TENT5D: variants seen among roughly 807,000 people sequenced by gnomAD.
The protein encoded by TENT5D is terminal nucleotidyltransferase 5D.
For synonymous variants in TENT5D, 103 were observed against 100.6 expected (o/e 1.02, Z -0.15); for missense variants, 191 against 287.0 (o/e 0.67, Z 2.42).
At chrX:80,393,009 A>G (rs1931166384) in intron 3 of TENT5D, among the ~76,000 whole-genome samples, 1 of 111,361 alleles carries the variant, frequency 9.0e-6, no homozygotes, top group Non-Finnish European at 1.9e-5. Flanking sequence ...TTACTGGTCC[A>G]AGAAGCTACA....
chrX:80,444,388 T>C (rs1005091230), exon 3 of TENT5D: 1 of 122,360 alleles, frequency 8.2e-6, no homozygotes, highest in African/African-American at 3.3e-5. Context: ...AAACATTTAG[T>C]TAATTTGTGG....
At chrX:80,436,806 G>A (rs1054897534) in intron 1 of TENT5D, among the ~76,000 whole-genome samples, 6 of 111,252 alleles carry the variant, frequency 5.4e-5, no homozygotes, top group African/African-American at 2.0e-4. Flanking sequence ...ATACAATAAG[G>A]ACTATTGGAA....
intron 3 of TENT5D, among the ~76,000 whole-genome samples, chrX:80,361,129 C>T (rs762185502): frequency 4.5e-5 from 5 of 112,027 alleles, no homozygotes; most frequent in African/African-American, 6.5e-5. Context: ...ACCTCATCAC[C>T]GTCCTCTCAT....
intron 3 of TENT5D, among the ~76,000 whole-genome samples, chrX:80,390,327 A>T (rs1206459414): frequency 9.0e-6 from 1 of 111,535 alleles, no homozygotes; most frequent in Non-Finnish European, 1.9e-5. Context: ...ATTGCCTAGC[A>T]ACATTATCAT....
At chrX:80,340,871 G>A (rs1424868093) in intron 2 of TENT5D, among the ~76,000 whole-genome samples, 1 of 112,201 alleles carries the variant, frequency 8.9e-6, no homozygotes, top group East Asian at 2.8e-4. Context: ...ATCTAATGCT[G>A]TCTTTACATT....
chrX:80,442,873 T>C (rs778079784), exon 3 of TENT5D: 2 of 1,211,100 alleles, frequency 1.7e-6, no homozygotes, highest in Non-Finnish European at 2.2e-6. Context: ...ACTTGACTTT[T>C]TACCAAAAGA....
At chrX:80,376,408 T>G (rs1930728351) in intron 3 of TENT5D, among the ~76,000 whole-genome samples, 2 of 111,769 alleles carry the variant, frequency 1.8e-5, no homozygotes, top group Non-Finnish European at 3.8e-5. Flanking sequence ...TTCATCTTTT[T>G]CTTTAGCATG....
intron 3 of TENT5D, among the ~76,000 whole-genome samples, chrX:80,408,726 G>A (rs1349722610): frequency 9.0e-6 from 1 of 111,140 alleles, no homozygotes; most frequent in Non-Finnish European, 1.9e-5. Flanking sequence ...GAAAAAGAGG[G>A]AATCCTCCCT....
chrX:80,404,730 G>GT (rs982841120), intron 3 of TENT5D, among the ~76,000 whole-genome samples: 7 of 112,206 alleles, frequency 6.2e-5, no homozygotes, highest in Admixed American at 1.9e-4. Flanking sequence ...TGCTGTCAGT[G>GT]TTTAAGATTT....
At chrX:80,398,096 G>A (rs769680460) in intron 3 of TENT5D, among the ~76,000 whole-genome samples, 155 of 112,012 alleles carry the variant, frequency 1.4e-3, no homozygotes, top group Non-Finnish European at 2.4e-3. Flanking sequence ...TTGTCTTTTC[G>A]ATAATAGTCG....
intron 3 of TENT5D, among the ~76,000 whole-genome samples, chrX:80,363,405 A>G (rs977704852): frequency 4.6e-4 from 51 of 111,767 alleles, no homozygotes; most frequent in Non-Finnish European, 8.5e-4. Flanking sequence ...GGATATTTTG[A>G]CCAATGTTAA....
At chrX:80,361,734 G>A (rs1253040545) in intron 3 of TENT5D, among the ~76,000 whole-genome samples, 1 of 111,883 alleles carries the variant, frequency 8.9e-6, no homozygotes, top group Non-Finnish European at 1.9e-5. Flanking sequence ...TTTTAATATT[G>A]CAGTGCCACC....
At chrX:80,337,838 C>G (rs1473000023) in intron 2 of TENT5D, among the ~76,000 whole-genome samples, 7 of 110,002 alleles carry the variant, frequency 6.4e-5, no homozygotes, top group Non-Finnish European at 7.6e-5. Flanking sequence ...AATCTTGGCT[C>G]GCTGCAACTT....
intron 3 of TENT5D, among the ~76,000 whole-genome samples, chrX:80,397,087 C>T (rs1222114999): frequency 6.9e-5 from 7 of 101,599 alleles, no homozygotes; most frequent in South Asian, 5.0e-4. Flanking sequence ...CTCCTCACTT[C>T]CCAGACGGGG....
chrX:80,436,500 T>C (rs933109925), intron 1 of TENT5D, among the ~76,000 whole-genome samples: 1 of 110,582 alleles, frequency 9.0e-6, no homozygotes, highest in Non-Finnish European at 1.9e-5. Flanking sequence ...CATCAACCCG[T>C]CATCTACATT....
intron 3 of TENT5D, among the ~76,000 whole-genome samples, chrX:80,363,916 A>G (rs1380280084): frequency 8.9e-6 from 1 of 112,666 alleles, no homozygotes; most frequent in Non-Finnish European, 1.9e-5. Context: ...TAACATATCC[A>G]TTACCTCACA....
intron 3 of TENT5D, among the ~76,000 whole-genome samples, chrX:80,343,522 C>T (rs1258185269): frequency 1.8e-5 from 2 of 108,579 alleles, no homozygotes; most frequent in East Asian, 2.9e-4. Context: ...CTCAACCTCC[C>T]GAGTAGCTGG....
chrX:80,401,691 A>G (rs1009097244), intron 3 of TENT5D, among the ~76,000 whole-genome samples: 1 of 112,063 alleles, frequency 8.9e-6, no homozygotes, highest in African/African-American at 3.2e-5. Context: ...CATTCTGTTA[A>G]TGTGATATCT....
At chrX:80,341,176 T>C (rs1350291246) in intron 2 of TENT5D, among the ~76,000 whole-genome samples, 1 of 112,457 alleles carries the variant, frequency 8.9e-6, no homozygotes, top group African/African-American at 3.2e-5. Context: ...CTGAAGTATT[T>C]ACCAGAAGTG....
Sources: allele counts gnomAD v4.1 joint callset (sites outside exome capture counted in the v4.1 genomes callset), GRCh38; gene constraint gnomAD v4.1.1; transcripts MANE v1.5; gene names NCBI Gene and HGNC (gene_info 2026-07-23, HGNC 2026-07-21).